The following PCDHGA2 variants were observed in gnomAD, a reference collection of about 807,000 sequenced individuals.
PCDHGA2 encodes protocadherin gamma-A2.
In PCDHGA2, 40 loss-of-function variants were observed where a neutral mutation model predicts 59.2. That is an observed-to-expected ratio of 0.68 (90% confidence interval 0.52 to 0.88). The LOEUF is 0.88. Among genes scored for constraint, PCDHGA2 ranks in the 40% least tolerant of loss-of-function variants. The pLI is 0.00. For synonymous variants in PCDHGA2, 560 were observed against 526.0 expected (o/e 1.06, Z -0.89); for missense variants, 1,226 against 1,204.0 (o/e 1.02, Z -0.27).
At chr5:141,418,149 AAG>A (rs768024698) in intron 1 of PCDHGA2, 1 of 1,613,982 alleles carries the variant, frequency 6.2e-7, no homozygotes, top group Non-Finnish European at 8.5e-7. Flanking sequence ...CAAATATGCA[AAG>A]AGAGAAGAAG....
rs191909737 is a variant in PCDHGA2 at position 141,405,622 on chromosome 5, G to A, written c.2424+64227G>A. 9.3e-3 allele frequency: 5,090 copies of A among 544,656 alleles called. 46 individuals are homozygous for A. The highest frequency in any genetic ancestry group is 0.017 in the Admixed American group (494 of 29,130). The allele number at this position is 544,656 out of a possible 1,614,324, so 33.7% of individuals were successfully genotyped here. On this transcript the variant is annotated intron_variant, in intron 1 of 3. Transcript: ENST00000394576. ...GTAGAATAACTGGGACTACAGGCAC[G>A]TGCCACCACGCCCGGCTAATTTTTT...
intron 1 of PCDHGA2, 75 bp downstream of exon 1, chr5:141,341,470 T>G (rs1250645225): frequency 1.9e-6 from 3 of 1,592,618 alleles, no homozygotes; most frequent in Non-Finnish European, 2.6e-6. Context: ...CTATATCTAT[T>G]TTGTTCCCCA....
Position 141,341,368 on chromosome 5 carries a change from A to G in PCDHGA2, c.2397A>G (p.Glu799=). 4 of 1,614,266 alleles carry G rather than the reference A, an allele frequency of 2.5e-6. 1 individual carries two copies. Among genetic ancestry groups the G allele is most frequent in the Non-Finnish European group, 1.7e-6 (2 of 1,180,052 alleles). ...DFLSAPQSLL[E]EEREETFSQQ... is the part of the protein sequence containing the mutation. ...TATCAGCGCCTCAATCTCTACTCGA[A>G]GAAGAAAGAGAAGAAACGTTTTCTC... is the stretch of plus-strand genomic sequence containing the variant. The change falls in exon 1 of 4, where the codon GAA becomes GAG. Residue 799 remains glutamate (E), a synonymous_variant. Coordinates refer to ENST00000394576, the MANE Select transcript of PCDHGA2 (RefSeq NM_018915.4).
At chr5:141,500,721 ATG>A (rs1209024560) in intron 2 of PCDHGA2, among the ~76,000 whole-genome samples, 1 of 152,088 alleles carries the variant, frequency 6.6e-6, no homozygotes, top group African/African-American at 2.4e-5. Context: ...GAATTTCCCC[ATG>A]TCTTTCAAAA....
chr5:141,385,404 G>C, intron 1 of PCDHGA2: 1 of 1,482,648 alleles, frequency 6.7e-7, no homozygotes, highest in Non-Finnish European at 8.9e-7. Context: ...CAAATGTTTT[G>C]AAAATAGGGA....
chr5:141,365,976 G>T, intron 1 of PCDHGA2: 1 of 1,614,232 alleles, frequency 6.2e-7, no homozygotes, highest in Non-Finnish European at 8.5e-7. Context: ...GTGTCGCTGA[G>T]CCTGTTTGTG....
chr5:141,403,241 G>C, intron 1 of PCDHGA2: 1 of 1,613,956 alleles, frequency 6.2e-7, no homozygotes. Flanking sequence ...GGAGCTCTGT[G>C]CTCAGAGCCC....
chr5:141,415,350 G>C, intron 1 of PCDHGA2: 1 of 1,614,228 alleles, frequency 6.2e-7, no homozygotes, highest in Non-Finnish European at 8.5e-7. Context: ...GCTGGCACAA[G>C]TCACGCCTGC....
chr5:141,410,797 CTCTA>C (rs375585060), intron 1 of PCDHGA2: 18 of 676,000 alleles, frequency 2.7e-5, no homozygotes, highest in Middle Eastern at 9.7e-4. Context: ...TCATAAGTTG[CTCTA>C]TCTTTTTGTA....
At chr5:141,403,868 A>T (rs2094463706) in intron 1 of PCDHGA2, 2 of 1,613,752 alleles carry the variant, frequency 1.2e-6, no homozygotes, top group Non-Finnish European at 1.7e-6. Context: ...AACAGCAAAA[A>T]GTCTAGATTA....
intron 1 of PCDHGA2, chr5:141,371,055 T>A (rs1438717717): frequency 5.6e-6 from 9 of 1,613,768 alleles, no homozygotes; most frequent in Non-Finnish European, 7.6e-6. Flanking sequence ...GGGCGAGCCC[T>A]CCAGAAGCTG....
At chr5:141,501,997 C>A (rs2099812238) in intron 2 of PCDHGA2, among the ~76,000 whole-genome samples, 1 of 152,128 alleles carries the variant, frequency 6.6e-6, no homozygotes, top group Non-Finnish European at 1.5e-5. Context: ...GTCTCCCTGA[C>A]AACCCGCATG....
Position 141,410,521 on chromosome 5 carries a change from A to G in PCDHGA2, c.2424+69126A>G, listed in dbSNP as rs201505796. ...ATTTCCTAAAATGCAGTGTGCCCCT[A>G]CATTCCAATGAAGACATGGTTTGCA... is the stretch of plus-strand genomic sequence containing the variant. On this transcript the variant is annotated intron_variant, in intron 1 of 3. Coordinates refer to ENST00000394576, the MANE Select transcript of PCDHGA2 (RefSeq NM_018915.4). 1,940 of 1,613,966 alleles carry G rather than the reference A, an allele frequency of 1.2e-3. 3 individuals are homozygous for G. Among genetic ancestry groups the G allele is most frequent in the Non-Finnish European group, 1.5e-3 (1,760 of 1,179,896 alleles).
chr5:141,401,408 A>T (rs943963302), intron 1 of PCDHGA2, among the ~76,000 whole-genome samples: 9 of 152,200 alleles, frequency 5.9e-5, no homozygotes, highest in African/African-American at 1.7e-4. Context: ...TATGAGAGAG[A>T]AAGAGAGAGA....
intron 1 of PCDHGA2, among the ~76,000 whole-genome samples, chr5:141,444,312 C>G (rs2098431691): frequency 6.6e-6 from 1 of 151,856 alleles, no homozygotes; most frequent in Non-Finnish European, 1.5e-5. Flanking sequence ...GCTAGGATTA[C>G]AGGCATGTGC....
intron 1 of PCDHGA2, among the ~76,000 whole-genome samples, chr5:141,435,232 G>A (rs1317217213): frequency 6.6e-6 from 1 of 152,062 alleles, no homozygotes; most frequent in Non-Finnish European, 1.5e-5. Context: ...TCAAAGTTCA[G>A]TAATTCTTTC....
At position 141,476,946 on chromosome 5, in the gene PCDHGA2, G is replaced by A; in HGVS notation, c.2425-17861G>A. ...ACGGATCTGGATGAAGGCCCCAACG[G>A]TGAAATTATTTACTCCTTCGGCAGC... On this transcript the variant is annotated intron_variant, in intron 1 of 3. Transcript: ENST00000394576. The surrounding 1 kb of genome is among the most constrained non-coding windows in gnomAD (Gnocchi z 7.6). The A allele has an allele frequency of 6.2e-7, 1 of 1,614,206 alleles. No individual in the cohort carries two copies. Among genetic ancestry groups the A allele is most frequent in the Non-Finnish European group, 8.5e-7 (1 of 1,180,044 alleles).
At chr5:141,401,667 C>T (rs539975682) in intron 1 of PCDHGA2, among the ~76,000 whole-genome samples, 1 of 152,340 alleles carries the variant, frequency 6.6e-6, no homozygotes, top group South Asian at 2.1e-4. Context: ...GTTTTCTCAA[C>T]ATCCTTGTAG....
In PCDHGA2 at chr5:141,351,908, G is replaced by C. The variant is rs776380537; in HGVS notation, c.2424+10513G>C. ...CGTGAGCCTGCGCGTGTTGGTGGGCGACCTCAATGACAATGCGCCACGGGT... is the reference window on the plus strand; with the variant it reads ...CGTGAGCCTGCGCGTGTTGGTGGGCCACCTCAATGACAATGCGCCACGGGT... On this transcript the variant is annotated intron_variant, in intron 1 of 3. Transcript: ENST00000394576. 5 of 1,613,294 alleles carry C rather than the reference G, an allele frequency of 3.1e-6. No homozygotes were observed. The highest frequency in any genetic ancestry group is 3.3e-5 in the Admixed American group (2 of 59,998).
Sources: gnomAD v4.1 joint callset for allele counts (sites outside exome capture counted in the v4.1 genomes callset) on GRCh38, gnomAD v4.1.1 for gene constraint, Gnocchi (gnomAD v3.1) non-coding constraint, MANE v1.5 for transcripts, NCBI Gene and HGNC (gene_info 2026-07-23, HGNC 2026-07-21) for gene names.